The following ARMH4 variants were observed in gnomAD, a reference collection of about 807,000 sequenced individuals.
ARMH4 encodes the protein armadillo like helical domain containing 4.
A neutral mutation model predicts 61.9 loss-of-function variants in ARMH4; 49 were observed. The observed-to-expected ratio is 0.79, with a 90% CI of 0.63 to 1.00. ARMH4 has a LOEUF of 1.00. ARMH4 is among the 50% of genes least tolerant of loss of function. ARMH4 has a pLI of 0.00. For missense variants in ARMH4, 934 were observed against 930.0 expected, an observed-to-expected ratio of 1.00 and a Z score of -0.06; for synonymous variants, 368 against 341.5, an observed-to-expected ratio of 1.08 and a Z score of -0.85.
chr14:58,066,655 G>A lies in ARMH4; in HGVS notation c.2089+30069C>T, dbSNP rs533956782. Among the ~76,000 whole-genome samples the A allele has an allele frequency of 1.3e-4, 20 of 152,222 alleles. No individual in the cohort carries two copies. In the East Asian group the frequency reaches 2.3e-3, roughly 18 times the overall value. On this transcript the variant is annotated intron_variant, in intron 5 of 7. Coordinates refer to ENST00000267485, the MANE Select transcript of ARMH4 (RefSeq NM_001001872.4). ...GAACCATGAAGGCTTTGAAGAGTTCGGAGAAACGTTTTTAGCCAGAAGGAA... is the reference window on the plus strand; with the variant it reads ...GAACCATGAAGGCTTTGAAGAGTTCAGAGAAACGTTTTTAGCCAGAAGGAA...
chr14:58,077,651 C>G (rs1594743314), intron 5 of ARMH4, among the ~76,000 whole-genome samples: 1 of 152,078 alleles, frequency 6.6e-6, no homozygotes, highest in South Asian at 2.1e-4. Context: ...CACTGGCTGG[C>G]AAGAACACTC....
intron 5 of ARMH4, among the ~76,000 whole-genome samples, chr14:58,056,019 T>C (rs1884334940): frequency 6.6e-6 from 1 of 152,208 alleles, no homozygotes; most frequent in South Asian, 2.1e-4. Context: ...GCTCTATTCG[T>C]AGAGGTGAGA....
intron 3 of ARMH4, 102 bp downstream of exon 3, chr14:58,132,988 C>T (rs547933014): frequency 5.4e-5 from 69 of 1,276,954 alleles, no homozygotes; most frequent in East Asian, 1.2e-4. Flanking sequence ...CACGCACGCG[C>T]GCGCTGATGG....
intron 5 of ARMH4, among the ~76,000 whole-genome samples, chr14:58,081,712 T>C (rs1257904547): frequency 6.6e-6 from 1 of 151,808 alleles, no homozygotes; most frequent in Non-Finnish European, 1.5e-5. Flanking sequence ...CCGTGTTAGT[T>C]AGCCAGGATG....
At chr14:58,018,988 A>C (rs1882716405) in intron 5 of ARMH4, among the ~76,000 whole-genome samples, 1 of 152,210 alleles carries the variant, frequency 6.6e-6, no homozygotes, top group Non-Finnish European at 1.5e-5. Flanking sequence ...ATGAGCCTGG[A>C]GGACATTATG....
chr14:58,131,484 G>C lies in ARMH4; in HGVS notation c.1831+28C>G, dbSNP rs1594775263. The C allele has an allele frequency of 3.2e-6, 5 of 1,585,634 alleles. No homozygotes were observed. The East Asian group carries it at 1.1e-4, about 35-fold the overall frequency. ...TCAGTGACTCACTCAACCAGTCCTTGAAAAGATCCCCTTCAAAGCATGAAT... is the reference window on the plus strand; with the variant it reads ...TCAGTGACTCACTCAACCAGTCCTTCAAAAGATCCCCTTCAAAGCATGAAT... On this transcript the variant is annotated intron_variant, in intron 4 of 7. Coordinates refer to ENST00000267485, the MANE Select transcript of ARMH4 (RefSeq NM_001001872.4).
At chr14:58,131,473 A>G in intron 4 of ARMH4, 39 bp downstream of exon 4, 1 of 1,532,214 alleles carries the variant, frequency 6.5e-7, no homozygotes, top group South Asian at 1.1e-5. Flanking sequence ...TGACTCACTC[A>G]ACCAGTCCTT....
chr14:58,111,604 A>T lies in ARMH4; in HGVS notation c.1832-14623T>A, dbSNP rs145064118. Among the ~76,000 whole-genome samples the T allele has an allele frequency of 1.4e-3, 213 of 152,164 alleles. 2 individuals carry two copies. Among genetic ancestry groups the T allele is most frequent in the African/African-American group, 5.0e-3 (207 of 41,520 alleles). ...TAAGGCCTCTCTTCCTGGTTTACAG[A>T]TGGCCACCTTCTTGCTGTGTCCTTA... On this transcript the variant is annotated intron_variant, in intron 4 of 7. Transcript: ENST00000267485.
chr14:58,148,692 A>AT (rs545913772), intron 1 of ARMH4, among the ~76,000 whole-genome samples: 158 of 152,294 alleles, frequency 1.0e-3, no homozygotes, highest in African/African-American at 3.4e-3. Context: ...GTACTGTAAG[A>AT]TTTTTTTAAT....
At chr14:58,102,095 T>C (rs1340286894) in intron 4 of ARMH4, among the ~76,000 whole-genome samples, 1 of 152,124 alleles carries the variant, frequency 6.6e-6, no homozygotes, top group Non-Finnish European at 1.5e-5. Flanking sequence ...TAACGTTTTG[T>C]GTGAAGATGT....
intron 4 of ARMH4, among the ~76,000 whole-genome samples, chr14:58,109,329 A>G (rs949476897): frequency 1.3e-5 from 2 of 152,132 alleles, no homozygotes; most frequent in African/African-American, 2.4e-5. Context: ...TGTAGCTTCA[A>G]TATAGTTTTT....
At chr14:58,109,365 G>A (rs1886272106) in intron 4 of ARMH4, among the ~76,000 whole-genome samples, 2 of 152,258 alleles carry the variant, frequency 1.3e-5, no homozygotes, top group South Asian at 4.1e-4. Context: ...AATTGTCCCA[G>A]AACTTTTTGT....
chr14:58,126,924 T>C (rs1260593891), intron 4 of ARMH4, among the ~76,000 whole-genome samples: 1 of 151,048 alleles, frequency 6.6e-6, no homozygotes, highest in Non-Finnish European at 1.5e-5. Flanking sequence ...TGCCTCAGCC[T>C]CCCATGTGGC....
At chr14:58,029,531 G>A (rs1566547078) in intron 5 of ARMH4, among the ~76,000 whole-genome samples, 1 of 152,078 alleles carries the variant, frequency 6.6e-6, no homozygotes, top group Non-Finnish European at 1.5e-5. Context: ...ACCGTGCCCG[G>A]CCAGCATAAT....
intron 4 of ARMH4, among the ~76,000 whole-genome samples, chr14:58,105,370 CAAAGA>C (rs1410164336): frequency 1.3e-5 from 2 of 152,048 alleles, no homozygotes; most frequent in Non-Finnish European, 2.9e-5. Flanking sequence ...ATAGCATAGA[CAAAGA>C]AAACTGAACC....
chr14:58,133,419 A>C, intron 2 of ARMH4, 78 bp from the exon 3 acceptor site: 158 of 1,279,708 alleles, frequency 1.2e-4, no homozygotes, highest in Middle Eastern at 2.9e-4. Context: ...ATGATTAAAA[A>C]CTTGGGGGGA....
intron 5 of ARMH4, among the ~76,000 whole-genome samples, chr14:58,033,256 G>A: frequency 8.4e-6 from 1 of 118,352 alleles, no homozygotes; most frequent in South Asian, 3.2e-4. Flanking sequence ...TGACCCCCAA[G>A]CAGCCTAACT....
chr14:58,137,928 A>G, intron 2 of ARMH4, 62 bp downstream of exon 2: 1 of 1,208,962 alleles, frequency 8.3e-7, no homozygotes, highest in Non-Finnish European at 1.1e-6. Flanking sequence ...AATTGCCATT[A>G]AAAAAAAAAT....
At position 58,138,591 on chromosome 14, in the gene ARMH4, C is replaced by A. The variant is rs1028541184; in HGVS notation, c.768G>T (p.Lys256Asn). The A allele has an allele frequency of 6.2e-7, 1 of 1,614,198 alleles. No homozygotes were observed. Among genetic ancestry groups the A allele is most frequent in the East Asian group, 2.2e-5 (1 of 44,874 alleles). The change falls in exon 2 of 8, where the codon AAG (lysine) becomes AAT (asparagine). Residue 256 changes from lysine to asparagine, a missense_variant. Lys to Asn is a moderately conservative substitution (Grantham distance 94, BLOSUM62 0). Coordinates refer to ENST00000267485, the MANE Select transcript of ARMH4 (RefSeq NM_001001872.4). ...EPGSLTPDKE[K>N]PSQMTADNTQ... ...TGTTATCAGCTGTCATCTGCGAAGG[C>A]TTCTCCTTATCAGGGGTGAGGCTTC...
Sources: allele counts gnomAD v4.1 joint callset (sites outside exome capture counted in the v4.1 genomes callset), GRCh38; gene constraint gnomAD v4.1.1; transcripts MANE v1.5; gene names NCBI Gene and HGNC (gene_info 2026-07-23, HGNC 2026-07-21).